The following TENM4 variants were observed in gnomAD, a reference collection of about 807,000 sequenced individuals.
TENM4 encodes teneurin-4.
Under a neutral mutation model 243.3 loss-of-function variants are expected in TENM4, and 82 were observed. The observed-to-expected ratio is 0.34, with a 90% CI of 0.28 to 0.40. The LOEUF is 0.40. Ranked by LOEUF, TENM4 falls within the 10% of genes least tolerant of loss-of-function variation. The pLI is 1.00. For synonymous variants in TENM4, 1,412 were observed against 1,456.3 expected (o/e 0.97, Z 0.69); for missense variants, 3,138 against 3,673.3 (o/e 0.85, Z 3.77).
At chr11:78,894,106 G>A (rs1449693496) in intron 7 of TENM4, among the ~76,000 whole-genome samples, 1 of 152,166 alleles carries the variant, frequency 6.6e-6, no homozygotes, top group Non-Finnish European at 1.5e-5. Context: ...GCATACAGCA[G>A]GCACATAGTC....
Position 78,657,276 on chromosome 11 carries a change from G to A in TENM4, c.*782C>T. On this transcript the variant is annotated 3_prime_UTR_variant, in exon 34 of 34. Coordinates refer to ENST00000278550, the MANE Select transcript of TENM4 (RefSeq NM_001098816.3). The stretch of plus-strand genomic sequence containing the variant: ...GAGGATGGGACTCTGAGCCCAGGAT[G>A]TTATGTCACTGGTCTGGGGGAAAGG... 1 of 398,480 alleles carries A rather than the reference G, an allele frequency of 2.5e-6. No individual in the cohort carries two copies. Among genetic ancestry groups the A allele is most frequent in the Non-Finnish European group, 4.4e-6 (1 of 226,196 alleles). 24.7% of individuals were successfully genotyped at this position (398,480 alleles called of 1,614,324 possible). A position where few individuals can be genotyped will look rare whatever the true frequency, so the allele number is the denominator to read the frequency against.
intron 2 of TENM4, among the ~76,000 whole-genome samples, chr11:79,267,101 G>T (rs1243400525): frequency 6.6e-6 from 1 of 152,124 alleles, no homozygotes; most frequent in East Asian, 1.9e-4. Context: ...CACAAAGTGA[G>T]ACCTGTTTGT....
intron 3 of TENM4, among the ~76,000 whole-genome samples, chr11:79,205,649 A>G (rs75836757): frequency 0.037 from 5,591 of 152,310 alleles, 353 homozygotes; most frequent in African/African-American, 0.13. Context: ...AAGACAGTTC[A>G]TTCCTTGTTA....
At chr11:79,306,751 C>T (rs1186905176) in intron 1 of TENM4, among the ~76,000 whole-genome samples, 3 of 152,082 alleles carry the variant, frequency 2.0e-5, no homozygotes, top group Non-Finnish European at 4.4e-5. Flanking sequence ...CCAAAGAAAC[C>T]AAGGCTTAGA....
chr11:78,784,434 G>A (rs1856895038), intron 16 of TENM4, among the ~76,000 whole-genome samples: 1 of 152,094 alleles, frequency 6.6e-6, no homozygotes, highest in Admixed American at 6.6e-5. Context: ...GTTTCTCATG[G>A]GGACGCAGCT....
intron 4 of TENM4, among the ~76,000 whole-genome samples, chr11:79,075,628 G>C (rs1860519936): frequency 6.6e-6 from 1 of 152,158 alleles, no homozygotes; most frequent in South Asian, 2.1e-4. Flanking sequence ...ATATAACTAA[G>C]GACCAAACTA....
intron 9 of TENM4, among the ~76,000 whole-genome samples, chr11:78,863,877 T>C (rs1858889858): frequency 6.6e-6 from 1 of 152,232 alleles, no homozygotes; most frequent in Non-Finnish European, 1.5e-5. Context: ...TACTAAATGA[T>C]GTACATACAA....
intron 3 of TENM4, among the ~76,000 whole-genome samples, chr11:79,155,016 C>G (rs1336413857): frequency 6.6e-6 from 1 of 152,184 alleles, no homozygotes; most frequent in Non-Finnish European, 1.5e-5. Flanking sequence ...GCTCGACCCT[C>G]CCTTCTCTGC....
intron 6 of TENM4, among the ~76,000 whole-genome samples, chr11:79,028,522 A>G (rs1248939142): frequency 1.3e-5 from 2 of 152,162 alleles, no homozygotes; most frequent in Non-Finnish European, 2.9e-5. Context: ...AGTTGTCTCA[A>G]ATTGGGTCAA....
intron 2 of TENM4, among the ~76,000 whole-genome samples, chr11:79,267,228 G>C (rs1359490041): frequency 1.3e-5 from 2 of 152,138 alleles, no homozygotes; most frequent in Non-Finnish European, 2.9e-5. Context: ...ACCAGCACCA[G>C]AGTCCAGCCC....
intron 27 of TENM4, among the ~76,000 whole-genome samples, chr11:78,707,536 A>G (rs1859287992): frequency 6.6e-6 from 1 of 152,230 alleles, no homozygotes; most frequent in African/African-American, 2.4e-5. Context: ...ACCCTATGCT[A>G]TGGTTTTCAA....
At chr11:79,276,263 A>G (rs917223850) in intron 2 of TENM4, among the ~76,000 whole-genome samples, 3 of 152,254 alleles carry the variant, frequency 2.0e-5, no homozygotes, top group Non-Finnish European at 4.4e-5. Context: ...GGCATACTGT[A>G]TAAGACATGA....
chr11:79,328,479 C>T (rs1463994804), intron 1 of TENM4, among the ~76,000 whole-genome samples: 1 of 152,140 alleles, frequency 6.6e-6, no homozygotes, highest in Non-Finnish European at 1.5e-5. Context: ...GCAAGAAAGC[C>T]CCTCTATCCT....
At chr11:78,693,876 C>T (rs1469262965) in intron 28 of TENM4, among the ~76,000 whole-genome samples, 4 of 152,016 alleles carry the variant, frequency 2.6e-5, no homozygotes, top group Admixed American at 6.6e-5. Context: ...TAGCTACGCA[C>T]GGTGGCTGGG....
chr11:78,958,072 G>A (rs1857243986), intron 6 of TENM4, among the ~76,000 whole-genome samples: 1 of 152,176 alleles, frequency 6.6e-6, no homozygotes, highest in Non-Finnish European at 1.5e-5. Flanking sequence ...GCAAGTCACT[G>A]CCCCTTATTG....
chr11:79,051,690 G>T (rs571510072), intron 6 of TENM4, among the ~76,000 whole-genome samples: 1 of 152,264 alleles, frequency 6.6e-6, no homozygotes, highest in East Asian at 1.9e-4. Flanking sequence ...AAGTTCAGGG[G>T]TATATGTGCC....
chr11:79,211,418 G>A (rs189231470), intron 3 of TENM4, among the ~76,000 whole-genome samples: 60 of 152,246 alleles, frequency 3.9e-4, no homozygotes, highest in Admixed American at 3.3e-3. Context: ...CAAAGTGTGC[G>A]CCAGGGATCC....
chr11:79,216,383 G>A (rs1195049740), intron 2 of TENM4, among the ~76,000 whole-genome samples: 1 of 152,318 alleles, frequency 6.6e-6, no homozygotes, highest in Middle Eastern at 3.4e-3. Context: ...TAAGGTCTAG[G>A]GTTAGTGGCC....
rs569888574 is a variant in TENM4, at chr11:79,055,091, C to A, written c.493+9647G>T. Among the ~76,000 whole-genome samples, 19 of 148,174 alleles carry A rather than the reference C, an allele frequency of 1.3e-4. No individual in the cohort carries two copies. The East Asian group carries it at 3.8e-3, about 30-fold the overall frequency. On this transcript the variant is annotated intron_variant, in intron 6 of 33. Transcript: ENST00000278550. ...GCAGTGAGCCAAGATCGCGCCACTG[C>A]ACTCCAGCCTGGAAAACAAGAGTGA...
Sources: gnomAD v4.1 joint callset for allele counts (sites outside exome capture counted in the v4.1 genomes callset) on GRCh38, gnomAD v4.1.1 for gene constraint, MANE v1.5 for transcripts, NCBI Gene and HGNC (gene_info 2026-07-23, HGNC 2026-07-21) for gene names.